ARHGAP8: variants seen among roughly 807,000 people sequenced by gnomAD.
The protein encoded by ARHGAP8 is Rho GTPase activating protein 8.
ARHGAP8 carries 62 observed loss-of-function variants against 46.1 expected under a neutral mutation model. The observed-to-expected ratio is 1.34, with a 90% CI of 1.10 to 1.66. The LOEUF (loss-of-function observed/expected upper bound fraction) is 1.66. Ranked by LOEUF, ARHGAP8 falls within the 40% of genes most tolerant of loss-of-function variation. The probability of loss-of-function intolerance (pLI) is 0.00; values close to 1 mark genes in which losing one functional copy is unlikely to be tolerated. For synonymous variants in ARHGAP8, 375 were observed against 243.1 expected, an observed-to-expected ratio of 1.54 and a Z score of -5.05; for missense variants, 923 against 568.4, an observed-to-expected ratio of 1.62 and a Z score of -6.34.
intron 2 of ARHGAP8, chr22:44,801,685 A>G (rs1173297362): frequency 2.2e-5 from 5 of 230,252 alleles, no homozygotes; most frequent in Middle Eastern, 1.7e-3. Flanking sequence ...CCTGGCCTCC[A>G]CCATGGCCCA....
At chr22:44,814,290 C>T (rs1056850874) in intron 4 of ARHGAP8, among the ~76,000 whole-genome samples, 1 of 152,164 alleles carries the variant, frequency 6.6e-6, no homozygotes, top group Non-Finnish European at 1.5e-5. Flanking sequence ...TCCTTCTAGC[C>T]CAGGTCAGCT....
Position 44,848,084 on chromosome 22 carries a change from G to A in ARHGAP8, c.748+34G>A, listed in dbSNP as rs1555919890. The A allele has an allele frequency of 3.7e-6, 6 of 1,601,236 alleles. No individual in the cohort carries two copies. In the South Asian group the frequency reaches 5.5e-5, roughly 15 times the overall value. ...GTCCCGCAGTCCTGAGCCCCGAGCT[G>A]CCTGGTCAGCGAGCACAGCGCTCCG... On this transcript the variant is annotated intron_variant, in intron 9 of 11. Transcript: ENST00000356099.
chr22:44,858,533 C>CTTTTTTTTT (rs10700242), intron 10 of ARHGAP8, among the ~76,000 whole-genome samples: 3,931 of 89,374 alleles, frequency 0.044, 403 homozygotes, highest in African/African-American at 0.1. Flanking sequence ...CCATACCCGG[C>CTTTTTTTTT]TTTTTTTTTT....
chr22:44,784,795 T>C (rs1309757521), intron 1 of ARHGAP8, among the ~76,000 whole-genome samples: 2 of 152,234 alleles, frequency 1.3e-5, no homozygotes, highest in Non-Finnish European at 1.5e-5. Context: ...CGCAGGGGCT[T>C]TGCCTGTGTG....
At chr22:44,792,144 T>C (rs1198464406) in intron 2 of ARHGAP8, among the ~76,000 whole-genome samples, 2 of 151,976 alleles carry the variant, frequency 1.3e-5, no homozygotes, top group Admixed American at 6.6e-5. Context: ...CCCGAGTAGC[T>C]GAGATTACAG....
At chr22:44,860,444 G>C (rs112470882) in intron 11 of ARHGAP8, among the ~76,000 whole-genome samples, 3,104 of 152,056 alleles carry the variant, frequency 0.02, 118 homozygotes, top group African/African-American at 0.071. Flanking sequence ...CTGTGTGTGT[G>C]TCTAATCTCC....
chr22:44,809,926 G>A (rs993651821), intron 4 of ARHGAP8: 4 of 152,170 alleles, frequency 2.6e-5, no homozygotes, highest in African/African-American at 7.2e-5. Flanking sequence ...TAGGACCTTC[G>A]GAGGGACTTC....
At chr22:44,800,623 G>T (rs1455398269) in intron 2 of ARHGAP8, among the ~76,000 whole-genome samples, 1 of 66,114 alleles carries the variant, frequency 1.5e-5, no homozygotes, top group Non-Finnish European at 2.8e-5. Context: ...TCCATGTGTG[G>T]GGGGCGCCCC....
chr22:44,774,970 A>T (rs774963752), intron 1 of ARHGAP8, among the ~76,000 whole-genome samples: 1 of 151,566 alleles, frequency 6.6e-6, no homozygotes, highest in Non-Finnish European at 1.5e-5. Context: ...AGCTGGGACA[A>T]CAGGCACTCA....
At chr22:44,810,874 G>A (rs905491957) in intron 4 of ARHGAP8, among the ~76,000 whole-genome samples, 14 of 152,200 alleles carry the variant, frequency 9.2e-5, no homozygotes, top group Admixed American at 2.6e-4. Flanking sequence ...GCAGCAGGGA[G>A]CCATGGCAGG....
At chr22:44,770,696 A>G (rs942639768) in intron 1 of ARHGAP8, among the ~76,000 whole-genome samples, 2 of 152,122 alleles carry the variant, frequency 1.3e-5, no homozygotes, top group African/African-American at 4.8e-5. Flanking sequence ...ATGTGCCACT[A>G]TGCCCAGCCT....
In ARHGAP8 at chr22:44,854,932, C is replaced by T. The variant is rs540646095; in HGVS notation, c.878-4799C>T. 7.2e-5 allele frequency among the ~76,000 whole-genome samples: 11 copies of T among 152,348 alleles called. No homozygotes were observed. The South Asian group carries it at 1.4e-3, about 20-fold the overall frequency. ...AAGTGCTGGGATTACAGGCGTGAGCCACCGTGCCCAACCTATACAGCTGTT... is the reference window on the plus strand; with the variant it reads ...AAGTGCTGGGATTACAGGCGTGAGCTACCGTGCCCAACCTATACAGCTGTT... On this transcript the variant is annotated intron_variant, in intron 10 of 11. Coordinates refer to ENST00000356099, the MANE Select transcript of ARHGAP8 (RefSeq NM_181335.3).
chr22:44,845,696 T>G (rs1426328054), intron 8 of ARHGAP8, among the ~76,000 whole-genome samples: 3 of 152,140 alleles, frequency 2.0e-5, no homozygotes, highest in African/African-American at 7.2e-5. Flanking sequence ...TAGGAAGCCC[T>G]CTCGAAATGG....
At chr22:44,771,245 T>TG (rs1341709907) in intron 1 of ARHGAP8, among the ~76,000 whole-genome samples, 1 of 144,072 alleles carries the variant, frequency 6.9e-6, no homozygotes, top group African/African-American at 2.5e-5. Context: ...CAAGTAAATT[T>TG]TTTTTTTTTT....
At chr22:44,825,388 G>A in intron 6 of ARHGAP8, 95 bp from the exon 7 acceptor site, 1 of 1,342,012 alleles carries the variant, frequency 7.5e-7, no homozygotes. Context: ...AGATGCCCAG[G>A]TGTCCTGCAG....
intron 8 of ARHGAP8, 86 bp downstream of exon 8, chr22:44,845,428 A>G (rs990506394): frequency 3.2e-6 from 5 of 1,573,836 alleles, no homozygotes; most frequent in Non-Finnish European, 3.5e-6. Flanking sequence ...CTGAGCACCC[A>G]CAAGCCAGGG....
intron 8 of ARHGAP8, among the ~76,000 whole-genome samples, 169 bp from the exon 9 acceptor site, chr22:44,847,804 A>C (rs906414435): frequency 2.0e-5 from 3 of 152,164 alleles, no homozygotes; most frequent in Non-Finnish European, 2.9e-5. Context: ...TGGACCACAG[A>C]GGTGGGAAAT....
intron 7 of ARHGAP8, among the ~76,000 whole-genome samples, chr22:44,826,200 G>A (rs1187913735): frequency 2.6e-5 from 4 of 152,040 alleles, no homozygotes; most frequent in African/African-American, 4.8e-5. Flanking sequence ...CGGTAGAGAC[G>A]GCACGTGGTC....
intron 7 of ARHGAP8, among the ~76,000 whole-genome samples, chr22:44,833,036 T>G (rs1931054638): frequency 6.6e-6 from 1 of 151,900 alleles, no homozygotes; most frequent in Non-Finnish European, 1.5e-5. Context: ...GTTAGCTGTG[T>G]GCATTTCATA....
Sources: allele counts gnomAD v4.1 joint callset (sites outside exome capture counted in the v4.1 genomes callset), GRCh38; gene constraint gnomAD v4.1.1; transcripts MANE v1.5; gene names NCBI Gene and HGNC (gene_info 2026-07-23, HGNC 2026-07-21).